SOX13: variants seen among roughly 807,000 people sequenced by gnomAD.
The protein encoded by SOX13 is SRY-box transcription factor 13.
SOX13 carries 28 observed loss-of-function variants against 71.8 expected under a neutral mutation model. That is an observed-to-expected ratio of 0.39 (90% confidence interval 0.29 to 0.53). SOX13 has a LOEUF of 0.53. SOX13 is among the 20% of genes least tolerant of loss of function. The pLI is 0.70. For missense variants in SOX13, 627 were observed against 810.3 expected, an observed-to-expected ratio of 0.77 and a Z score of 2.75; for synonymous variants, 309 against 317.8, an observed-to-expected ratio of 0.97 and a Z score of 0.29.
In SOX13 at chr1:204,112,992, C is replaced by G; in HGVS notation, c.77C>G (p.Ser26Ter). The G allele has an allele frequency of 6.2e-7, 1 of 1,613,552 alleles. No homozygotes were observed. The highest frequency in any genetic ancestry group is 2.2e-5 in the East Asian group (1 of 44,886). ...ACCATGGTGAACTGCACCATCAAGT[C>G]AGAGGAGAAGAAAGAGCCTTGCCAC... ...VGTMVNCTIK[S>*]EEKKEPCHEA... The change falls in exon 2 of 14, where the codon TCA becomes TGA. Residue 26 changes from serine to a stop codon, truncating the protein, a stop_gained. Coordinates refer to ENST00000367204, the MANE Select transcript of SOX13 (RefSeq NM_005686.3). LOFTEE classifies it high-confidence loss of function.
chr1:204,113,526 T>C (rs567716672), intron 2 of SOX13, among the ~76,000 whole-genome samples: 3 of 152,322 alleles, frequency 2.0e-5, no homozygotes, highest in African/African-American at 7.2e-5. Flanking sequence ...ATTAGGTCAC[T>C]GTTAAAGATG....
chr1:204,121,225 G>C (rs1656797635), intron 7 of SOX13, among the ~76,000 whole-genome samples: 1 of 152,138 alleles, frequency 6.6e-6, no homozygotes, highest in East Asian at 1.9e-4. Flanking sequence ...CTGACCTTGT[G>C]ATCCACCCAC....
At chr1:204,089,257 G>A (rs539445946) in intron 1 of SOX13, among the ~76,000 whole-genome samples, 1 of 152,280 alleles carries the variant, frequency 6.6e-6, no homozygotes, top group South Asian at 2.1e-4. Context: ...TGGTGTCTTG[G>A]CGTGCGCTAG....
At chr1:204,099,543 G>T (rs1453469722) in intron 1 of SOX13, among the ~76,000 whole-genome samples, 4 of 148,720 alleles carry the variant, frequency 2.7e-5, no homozygotes, top group African/African-American at 9.9e-5. Context: ...CTCCCGAGTA[G>T]CTTGGGCTAC....
intron 4 of SOX13, 26 bp from the exon 5 acceptor site, chr1:204,116,481 A>G (rs7551756): frequency 0.37 from 592,807 of 1,612,506 alleles, 112,407 homozygotes; most frequent in East Asian, 0.67. Flanking sequence ...AAAAGTCTCA[A>G]TGGGGTCTGT....
At chr1:204,121,049 G>A (rs571815461) in intron 7 of SOX13, among the ~76,000 whole-genome samples, 34 of 149,010 alleles carry the variant, frequency 2.3e-4, no homozygotes, top group Admixed American at 5.4e-4. Context: ...GTGCAATCTC[G>A]ACTCACTGCA....
At chr1:204,103,789 G>T (rs1483044595) in intron 1 of SOX13, among the ~76,000 whole-genome samples, 1 of 152,206 alleles carries the variant, frequency 6.6e-6, no homozygotes, top group Non-Finnish European at 1.5e-5. Context: ...CACTGTTGGG[G>T]TGCAGGAGAA....
At chr1:204,116,708 C>G in intron 5 of SOX13, 29 bp downstream of exon 5, 1 of 1,609,536 alleles carries the variant, frequency 6.2e-7, no homozygotes, top group Non-Finnish European at 8.5e-7. Context: ...GTGTAGCTTT[C>G]TTTCCAGGAA....
rs571892399 is a variant in SOX13 at position 204,095,816 on chromosome 1, A to C, written c.-1-17099A>C. On this transcript the variant is annotated intron_variant, in intron 1 of 13. Coordinates refer to ENST00000367204, the MANE Select transcript of SOX13 (RefSeq NM_005686.3). The stretch of plus-strand genomic sequence containing the variant: ...AACTGAAACTCTGTTCCCATTAAGC[A>C]ATAGCGTCCCCTTCCTCTCTCACTC... Among the ~76,000 whole-genome samples, 3 of 152,188 alleles carry C rather than the reference A, an allele frequency of 2.0e-5. No individual in the cohort carries two copies. The East Asian group carries it at 5.8e-4, about 29-fold the overall frequency.
intron 12 of SOX13, 94 bp from the exon 13 acceptor site, chr1:204,124,547 A>C: frequency 9.7e-7 from 1 of 1,036,188 alleles, no homozygotes; most frequent in Non-Finnish European, 1.4e-6. Flanking sequence ...TTATGGACCC[A>C]CCTGGGGATC....
At chr1:204,087,394 A>G (rs1656047036) in intron 1 of SOX13, among the ~76,000 whole-genome samples, 1 of 152,156 alleles carries the variant, frequency 6.6e-6, no homozygotes, top group Non-Finnish European at 1.5e-5. Context: ...GGCTGCAGCT[A>G]TCTGTTCCAG....
chr1:204,114,635 T>A, intron 4 of SOX13, 30 bp downstream of exon 4: 24 of 1,486,628 alleles, frequency 1.6e-5, no homozygotes, highest in Middle Eastern at 1.8e-4. Context: ...GGGGGAGATG[T>A]TTGAACCCCA....
chr1:204,075,311 C>A (rs1655764263), intron 1 of SOX13, among the ~76,000 whole-genome samples: 1 of 152,340 alleles, frequency 6.6e-6, no homozygotes, highest in South Asian at 2.1e-4. Context: ...CGCTACCTCC[C>A]GCTCTCCCTC....
In SOX13 at chr1:204,126,507, C is replaced by T. The variant is rs1656925801; in HGVS notation, c.*373C>T. On this transcript the variant is annotated 3_prime_UTR_variant, in exon 14 of 14. Transcript: ENST00000367204. The stretch of plus-strand genomic sequence containing the variant: ...TGCTTTGTTTCCATTCTTGTCCTGG[C>T]TGGACCAGCCACTGTGGGACCAACA... 1 of 264,596 alleles carries T rather than the reference C, an allele frequency of 3.8e-6. No individual in the cohort carries two copies. The highest frequency in any genetic ancestry group is 4.8e-5 in the Admixed American group (1 of 20,704). The allele number at this position is 264,596 out of a possible 1,614,324, so 16.4% of individuals were successfully genotyped here. A position where few individuals can be genotyped will look rare whatever the true frequency, so the allele number is the denominator to read the frequency against.
At chr1:204,100,162 T>C (rs1414101438) in intron 1 of SOX13, among the ~76,000 whole-genome samples, 1 of 152,186 alleles carries the variant, frequency 6.6e-6, no homozygotes, top group Non-Finnish European at 1.5e-5. Context: ...TTAGCCATAA[T>C]TGGGGTCTTT....
At chr1:204,101,096 G>A (rs11240666) in intron 1 of SOX13, among the ~76,000 whole-genome samples, 101,514 of 152,106 alleles carry the variant, frequency 0.67, 34,522 homozygotes, top group Middle Eastern at 0.85. Flanking sequence ...TTTGCTGACT[G>A]TTTGCATTCA....
At chr1:204,085,530 G>C (rs2102226019) in intron 1 of SOX13, among the ~76,000 whole-genome samples, 1 of 152,264 alleles carries the variant, frequency 6.6e-6, no homozygotes, top group Non-Finnish European at 1.5e-5. Context: ...TGATGTCCAA[G>C]GTCTCTAGGA....
chr1:204,122,319 T>A lies in SOX13; in HGVS notation c.944T>A (p.Met315Lys). Residue 315 changes from methionine (M) to lysine (K), a missense_variant, in exon 9 of 14, where the codon ATG becomes AAG. Met to Lys is a moderately conservative substitution (Grantham distance 95, BLOSUM62 -1). Coordinates refer to ENST00000367204, the MANE Select transcript of SOX13 (RefSeq NM_005686.3). The part of the protein sequence containing the change: ...PNTSSSPSLK[M>K]SSCVPRPPSH... ...ACCTCCAGCTCCCCAAGCCTGAAGA[T>A]GAGCAGCTGTGTGCCCCGCCCCCCC... 6.3e-7 allele frequency: 1 copy of A among 1,575,196 alleles called. No individual in the cohort carries two copies. The highest frequency in any genetic ancestry group is 8.6e-7 in the Non-Finnish European group (1 of 1,159,766).
At chr1:204,106,071 G>A (rs1656464211) in intron 1 of SOX13, among the ~76,000 whole-genome samples, 1 of 152,216 alleles carries the variant, frequency 6.6e-6, no homozygotes, top group African/African-American at 2.4e-5. Flanking sequence ...AGGAGTAAAG[G>A]AACTTGAGGG....
Sources: gnomAD v4.1 joint callset for allele counts (sites outside exome capture counted in the v4.1 genomes callset) on GRCh38, gnomAD v4.1.1 for gene constraint, MANE v1.5 for transcripts, NCBI Gene and HGNC (gene_info 2026-07-23, HGNC 2026-07-21) for gene names.